Variants in CPEB1 observed in about 807,000 individuals in gnomAD.
CPEB1 encodes the protein cytoplasmic polyadenylation element-binding protein 1.
In CPEB1, 7 loss-of-function variants were observed where a neutral mutation model predicts 65.8. The ratio of observed to expected loss-of-function variants is 0.11; its 90% confidence interval spans 0.06 to 0.20. The LOEUF (loss-of-function observed/expected upper bound fraction) is 0.20. Among genes scored for constraint, CPEB1 ranks in the 10% least tolerant of loss-of-function variants. CPEB1 has a pLI of 1.00. For synonymous variants in CPEB1, 262 were observed against 260.0 expected (o/e 1.01, Z -0.08); for missense variants, 551 against 712.2 (o/e 0.77, Z 2.58).
At chr15:82,594,457 G>C (rs2042521445) in intron 3 of CPEB1, among the ~76,000 whole-genome samples, 1 of 152,174 alleles carries the variant, frequency 6.6e-6, no homozygotes. Context: ...ACCTCTCTCA[G>C]CCTTCTCAGA....
chr15:82,567,537 TGAGGCAGAGGATTGCTTGAACCCGG>T (rs2039341594), intron 4 of CPEB1, among the ~76,000 whole-genome samples: 1 of 151,762 alleles, frequency 6.6e-6, no homozygotes, highest in African/African-American at 2.4e-5. Context: ...CTCAGGAGGC[TGAGGCAGAGGATTGCTTGAACCCGG>T]GAGGCAGAGG....
intron 2 of CPEB1, chr15:82,628,153 CATT>C (rs1370371350): frequency 3.6e-5 from 25 of 697,452 alleles, no homozygotes; most frequent in Non-Finnish European, 5.2e-5. Context: ...ACAATGCCAT[CATT>C]GTTACAGAAA....
chr15:82,620,706 G>C (rs2045227132), intron 3 of CPEB1, among the ~76,000 whole-genome samples: 1 of 152,176 alleles, frequency 6.6e-6, no homozygotes, highest in Admixed American at 6.5e-5. Flanking sequence ...AGAAGGCTGA[G>C]GCAAGAGGAT....
In CPEB1 at chr15:82,552,481, T is replaced by C. The variant is rs1385458554; in HGVS notation, c.1280A>G (p.Glu427Gly). 2 of 1,571,664 alleles carry C rather than the reference T, an allele frequency of 1.3e-6. No individual in the cohort carries two copies. The highest frequency in any genetic ancestry group is 1.7e-6 in the Non-Finnish European group (2 of 1,162,476). The change falls in exon 9 of 13, where the codon GAG becomes GGG. Residue 427 changes from glutamate to glycine, a missense_variant and splice_region_variant. Physicochemically the swap from Glu to Gly is moderately conservative, Grantham distance 98. Around this residue, in one of 6 missense-constraint regions of CPEB1, gnomAD observed 99 missense variants for 161.3 expected, o/e 0.61. Transcript: ENST00000684509. ...KMSSRRMRCK[E>G]VQVIPWVLAD... Reference sequence around the variant, plus strand: ...AGAAAGGACATCACGCTAACTCACCTCCTTGCAGCGCATCCTTCGGCTGGA... The same window carrying C: ...AGAAAGGACATCACGCTAACTCACCCCCTTGCAGCGCATCCTTCGGCTGGA...
At chr15:82,592,948 G>C (rs1333975677) in intron 3 of CPEB1, among the ~76,000 whole-genome samples, 2 of 152,192 alleles carry the variant, frequency 1.3e-5, no homozygotes, top group Non-Finnish European at 2.9e-5. Flanking sequence ...AGTGAGCCAA[G>C]ATTGCGCTGC....
chr15:82,553,022 A>C lies in CPEB1; in HGVS notation c.1145-406T>G, dbSNP rs559874302. ...GTGAAAATAGCACCTGCTCCTTTCT[A>C]CAGGGAAGGGATCTCATTTCAGACC... On this transcript the variant is annotated intron_variant, in intron 8 of 12. Coordinates refer to ENST00000684509, the MANE Select transcript of CPEB1 (RefSeq NM_001365242.1). Among the ~76,000 whole-genome samples the C allele has an allele frequency of 5.3e-5, 8 of 152,358 alleles. No homozygotes were observed. The East Asian group carries it at 1.4e-3, about 26-fold the overall frequency.
intron 3 of CPEB1, among the ~76,000 whole-genome samples, chr15:82,593,356 C>G (rs2042413872): frequency 6.6e-6 from 1 of 152,230 alleles, no homozygotes; most frequent in Admixed American, 6.5e-5. Flanking sequence ...TTCACAGCAT[C>G]TGCACCAGGA....
chr15:82,647,969 G>C, upstream of CPEB1: 1 of 961,222 alleles, frequency 1.0e-6, no homozygotes, highest in Non-Finnish European at 1.3e-6. Flanking sequence ...CGGGCCGCGC[G>C]CAGCCCCGCA....
chr15:82,629,435 G>T, intron 1 of CPEB1: 1 of 981,692 alleles, frequency 1.0e-6, no homozygotes, highest in Non-Finnish European at 1.2e-6. Flanking sequence ...ATTACCGAAT[G>T]AAAAAAGAAC....
chr15:82,544,743 C>G (rs1021458857), intron 12 of CPEB1, 41 bp from the exon 13 acceptor site: 3 of 1,451,460 alleles, frequency 2.1e-6, no homozygotes, highest in Non-Finnish European at 1.9e-6. Flanking sequence ...ATGCCTGTGT[C>G]AGCACCAGAC....
chr15:82,636,635 C>G (rs2046681086), intron 1 of CPEB1, among the ~76,000 whole-genome samples: 1 of 152,178 alleles, frequency 6.6e-6, no homozygotes, highest in Non-Finnish European at 1.5e-5. Flanking sequence ...CATCACTTAC[C>G]TGTCACACTG....
At chr15:82,589,647 G>A (rs1261387687) in intron 3 of CPEB1, among the ~76,000 whole-genome samples, 1 of 151,984 alleles carries the variant, frequency 6.6e-6, no homozygotes, top group African/African-American at 2.4e-5. Flanking sequence ...GGGAGGCTGA[G>A]GCAGGAGAGG....
intron 4 of CPEB1, among the ~76,000 whole-genome samples, chr15:82,559,409 A>G (rs750767457): frequency 2.0e-5 from 3 of 152,200 alleles, no homozygotes; most frequent in Non-Finnish European, 4.4e-5. Flanking sequence ...ATTATTTTGT[A>G]GTAAAAATAG....
chr15:82,545,538 C>T (rs1053051177), intron 12 of CPEB1, among the ~76,000 whole-genome samples: 1 of 152,276 alleles, frequency 6.6e-6, no homozygotes, highest in East Asian at 1.9e-4. Context: ...TTGTTGGACA[C>T]ATGGAATCTC....
chr15:82,630,402 C>G (rs1387816497), intron 1 of CPEB1, among the ~76,000 whole-genome samples: 1 of 152,096 alleles, frequency 6.6e-6, no homozygotes, highest in Non-Finnish European at 1.5e-5. Flanking sequence ...GGCAGGAGCT[C>G]AAAACCAGCC....
intron 3 of CPEB1, among the ~76,000 whole-genome samples, chr15:82,603,999 C>G (rs572198945): frequency 6.6e-6 from 1 of 152,326 alleles, no homozygotes; most frequent in South Asian, 2.1e-4. Flanking sequence ...TGACAAAGGG[C>G]AGACATTACA....
chr15:82,599,770 A>C (rs1284376343), intron 3 of CPEB1, among the ~76,000 whole-genome samples: 1 of 152,170 alleles, frequency 6.6e-6, no homozygotes, highest in Admixed American at 6.5e-5. Flanking sequence ...TACAACCAGA[A>C]TAAAACCAGG....
chr15:82,551,420 G>GA (rs1255437205), intron 9 of CPEB1, among the ~76,000 whole-genome samples: 3 of 152,004 alleles, frequency 2.0e-5, no homozygotes, highest in Non-Finnish European at 4.4e-5. Flanking sequence ...CATCCCCACC[G>GA]AAAGTCCATG....
At chr15:82,619,585 A>T (rs2045102948) in intron 3 of CPEB1, among the ~76,000 whole-genome samples, 1 of 152,244 alleles carries the variant, frequency 6.6e-6, no homozygotes, top group Non-Finnish European at 1.5e-5. Flanking sequence ...TGCTACAAGT[A>T]AACAAGAAAA....
Sources: allele counts gnomAD v4.1 joint callset (sites outside exome capture counted in the v4.1 genomes callset), GRCh38; gene constraint gnomAD v4.1.1; regional missense constraint gnomAD v4.1.1; transcripts MANE v1.5; gene names NCBI Gene and HGNC (gene_info 2026-07-23, HGNC 2026-07-21).